The following NUSAP1 variants were observed in gnomAD, a reference collection of about 807,000 sequenced individuals.
NUSAP1 encodes the protein nucleolar and spindle associated protein 1, also known as nucleolar and spindle-associated protein 1.
Under a neutral mutation model 52.8 loss-of-function variants are expected in NUSAP1, and 32 were observed. The observed-to-expected ratio is 0.61, with a 90% confidence interval of 0.46 to 0.81. NUSAP1 has a LOEUF of 0.81. Ranked by LOEUF, NUSAP1 falls within the 40% of genes least tolerant of loss-of-function variation. NUSAP1 has a pLI of 0.00. For synonymous variants in NUSAP1, 195 were observed against 183.1 expected (o/e 1.06, Z -0.52); for missense variants, 499 against 522.3 (o/e 0.96, Z 0.43).
In NUSAP1 at chr15:41,349,208, G is replaced by A; in HGVS notation, c.273G>A (p.Arg91=). The change falls in exon 3 of 11, where the codon AGG becomes AGA. Residue 91 remains arginine (R), a synonymous_variant. Transcript: ENST00000559596. ...GCCATGTCACCAAAACAAGGAGAAG[G>A]TGCAAGACTGTCCGTGTGGACCCTG... ...PLGHVTKTRR[R]CKTVRVDPDS... 6.2e-7 allele frequency: 1 copy of A among 1,613,956 alleles called. No individual in the cohort carries two copies. Among genetic ancestry groups the A allele is most frequent in the Middle Eastern group, 1.6e-4 (1 of 6,062 alleles).
At position 41,371,702 on chromosome 15, in the gene NUSAP1, CAAAAG is replaced by C. The variant is rs759750886; in HGVS notation, c.1006+22_1006+26del. The C allele has an allele frequency of 2.1e-6, 3 of 1,406,758 alleles. No individual in the cohort carries two copies. Among genetic ancestry groups the C allele is most frequent in the South Asian group, 2.8e-5 (2 of 71,720 alleles). 87.1% of individuals were successfully genotyped at this position (1,406,758 alleles called of 1,614,324 possible). A position where few individuals can be genotyped will look rare whatever the true frequency, so the allele number is the denominator to read the frequency against. On this transcript the variant is annotated intron_variant, in intron 8 of 10. Coordinates refer to ENST00000559596, the MANE Select transcript of NUSAP1 (RefSeq NM_016359.5). ...TGCTGCTGGTAAAAAAAAAAAAAAA[CAAAAG>C]AAATCTGTTTCATTTTTAAGCCATG...
intron 7 of NUSAP1, among the ~76,000 whole-genome samples, chr15:41,369,724 C>G (rs1165437392): frequency 1.3e-5 from 2 of 151,964 alleles, no homozygotes; most frequent in Non-Finnish European, 2.9e-5. Flanking sequence ...GACTTCACAC[C>G]ATAAGATACC....
intron 8 of NUSAP1, among the ~76,000 whole-genome samples, chr15:41,373,889 C>A (rs1456007962): frequency 1.3e-5 from 2 of 152,010 alleles, no homozygotes; most frequent in Non-Finnish European, 2.9e-5. Context: ...TGAAAAGTTA[C>A]CGTCATTTCC....
intron 1 of NUSAP1, among the ~76,000 whole-genome samples, chr15:41,334,001 T>C (rs1388436959): frequency 1.3e-5 from 2 of 152,248 alleles, no homozygotes; most frequent in Non-Finnish European, 2.9e-5. Flanking sequence ...ATTTTGTTAA[T>C]AGTTGAGACT....
intron 7 of NUSAP1, among the ~76,000 whole-genome samples, chr15:41,371,275 A>G (rs1329639532): frequency 6.6e-6 from 1 of 152,192 alleles, no homozygotes; most frequent in Non-Finnish European, 1.5e-5. Context: ...CTCCATCACC[A>G]TCATTGTCCA....
At chr15:41,338,882 T>C (rs1297564899) in intron 1 of NUSAP1, among the ~76,000 whole-genome samples, 1 of 151,928 alleles carries the variant, frequency 6.6e-6, no homozygotes, top group Admixed American at 6.6e-5. Context: ...CGAAAATCCC[T>C]TCAACCTGAG....
rs182667368 is a variant in NUSAP1, at chr15:41,354,484, G to A, written c.449-1555G>A. 4.3e-3 allele frequency among the ~76,000 whole-genome samples: 650 copies of A among 152,044 alleles called. 3 individuals carry two copies. Among genetic ancestry groups the A allele is most frequent in the African/African-American group, 0.015 (621 of 41,494 alleles). Reference sequence around the variant, plus strand: ...CGCGCCACTGCACTCCATCCTGGGCGACAGTGTGAGTCCGTCTCAAAACAA... The same window carrying A: ...CGCGCCACTGCACTCCATCCTGGGCAACAGTGTGAGTCCGTCTCAAAACAA... On this transcript the variant is annotated intron_variant, in intron 4 of 10. Coordinates refer to ENST00000559596, the MANE Select transcript of NUSAP1 (RefSeq NM_016359.5).
At chr15:41,336,077 T>C (rs572223574) in intron 1 of NUSAP1, among the ~76,000 whole-genome samples, 114 of 150,870 alleles carry the variant, frequency 7.6e-4, no homozygotes, top group African/African-American at 2.7e-3. Context: ...CTGGCCAGCA[T>C]GGCAAAACCC....
At chr15:41,338,616 G>A (rs1006716488) in intron 1 of NUSAP1, among the ~76,000 whole-genome samples, 14 of 152,024 alleles carry the variant, frequency 9.2e-5, no homozygotes, top group African/African-American at 3.4e-4. Flanking sequence ...GTGTTCTCTT[G>A]GTAGTTGGAG....
At chr15:41,336,648 G>GTGTTTTTTTTTTTT (rs1555426223) in intron 1 of NUSAP1, among the ~76,000 whole-genome samples, 8 of 91,372 alleles carry the variant, frequency 8.8e-5, no homozygotes, top group African/African-American at 3.2e-4. Flanking sequence ...CCTCCTTTTG[G>GTGTTTTTTTTTTTT]TTTTTTTTTT....
chr15:41,364,490 G>A (rs1005532167), intron 6 of NUSAP1, among the ~76,000 whole-genome samples: 1 of 152,032 alleles, frequency 6.6e-6, no homozygotes, highest in Non-Finnish European at 1.5e-5. Flanking sequence ...AAGTTGCAGT[G>A]AGCTGAGACC....
At position 41,380,304 on chromosome 15, in the gene NUSAP1, T is replaced by C; in HGVS notation, c.*118T>C. The C allele has an allele frequency of 1.5e-6, 1 of 649,274 alleles. No homozygotes were observed. Among genetic ancestry groups the C allele is most frequent in the Non-Finnish European group, 2.7e-6 (1 of 369,800 alleles). 40.2% of individuals were successfully genotyped at this position (649,274 alleles called of 1,614,324 possible). A position where few individuals can be genotyped will look rare whatever the true frequency, so the allele number is the denominator to read the frequency against. On this transcript the variant is annotated 3_prime_UTR_variant, in exon 11 of 11. Transcript: ENST00000559596. ...GAGATCTTTTTCTGCTAACTGTTCA[T>C]AGTCTGTGTAGTGTCCATGGGTTCT... is the stretch of plus-strand genomic sequence containing the variant.
Position 41,371,598 on chromosome 15 carries a change from A to G in NUSAP1, c.920A>G (p.His307Arg), listed in dbSNP as rs557407046. 6.2e-7 allele frequency: 1 copy of G among 1,612,262 alleles called. No individual in the cohort carries two copies. Among genetic ancestry groups the G allele is most frequent in the Admixed American group, 1.7e-5 (1 of 59,246 alleles). Residue 307 changes from histidine to arginine, a missense_variant, in exon 8 of 11, where the codon CAT becomes CGT. Coordinates refer to ENST00000559596, the MANE Select transcript of NUSAP1 (RefSeq NM_016359.5). ...AAGACTCCAGCCAGAAAGTCTGCAC[A>G]TGTGACCGTGTCTGGGGGCACCCCA... ...LTKTPARKSA[H>R]VTVSGGTPKG...
intron 7 of NUSAP1, among the ~76,000 whole-genome samples, chr15:41,371,008 ATAC>A (rs1403638547): frequency 6.6e-6 from 1 of 152,234 alleles, no homozygotes; most frequent in Non-Finnish European, 1.5e-5. Context: ...TGTAGAAAAA[ATAC>A]TATCAGTCAA....
intron 6 of NUSAP1, among the ~76,000 whole-genome samples, chr15:41,359,947 G>A (rs954175902): frequency 3.3e-5 from 5 of 151,716 alleles, no homozygotes; most frequent in Non-Finnish European, 7.4e-5. Context: ...CACATTTGAA[G>A]GCACTGTTTG....
intron 2 of NUSAP1, among the ~76,000 whole-genome samples, chr15:41,344,945 A>G (rs1052552903): frequency 2.6e-5 from 4 of 152,028 alleles, no homozygotes; most frequent in African/African-American, 9.7e-5. Flanking sequence ...CGTCTCCGAA[A>G]AAAAGAAAAA....
At chr15:41,357,178 G>A (rs1325457465) in intron 5 of NUSAP1, among the ~76,000 whole-genome samples, 2 of 152,008 alleles carry the variant, frequency 1.3e-5, no homozygotes, top group African/African-American at 4.8e-5. Flanking sequence ...GAACAGCCTG[G>A]CCAGCATGGT....
chr15:41,378,390 G>A (rs1286154601), intron 10 of NUSAP1, among the ~76,000 whole-genome samples: 1 of 152,220 alleles, frequency 6.6e-6, no homozygotes, highest in Non-Finnish European at 1.5e-5. Context: ...GTTGCAGCAA[G>A]TCATGGTTGG....
In NUSAP1 at chr15:41,349,100, T is replaced by C. The variant is rs761364212; in HGVS notation, c.165T>C (p.Asp55=). Residue 55 remains aspartate (D), a splice_region_variant and synonymous_variant, in exon 3 of 11, where the codon GAT becomes GAC. Coordinates refer to ENST00000559596, the MANE Select transcript of NUSAP1 (RefSeq NM_016359.5). ...CAGATTAATACCTCTCTTTTCAGGATGAAAGTCAAACTTCTGCATCCTCTT... is the reference window on the plus strand; with the variant it reads ...CAGATTAATACCTCTCTTTTCAGGACGAAAGTCAAACTTCTGCATCCTCTT... ...HEARKGNENQ[D]ESQTSASSCD... 1 of 1,613,720 alleles carries C rather than the reference T, an allele frequency of 6.2e-7. No individual in the cohort carries two copies. The highest frequency in any genetic ancestry group is 8.5e-7 in the Non-Finnish European group (1 of 1,179,712).
Sources: gnomAD v4.1 joint callset for allele counts (sites outside exome capture counted in the v4.1 genomes callset) on GRCh38, gnomAD v4.1.1 for gene constraint, MANE v1.5 for transcripts, NCBI Gene and HGNC (gene_info 2026-07-23, HGNC 2026-07-21) for gene names.